The following CHDH variants were observed in gnomAD, a reference collection of about 807,000 sequenced individuals.
CHDH encodes choline dehydrogenase, also known as choline dehydrogenase, mitochondrial.
A neutral mutation model predicts 56.9 loss-of-function variants in CHDH; 43 were observed. The ratio of observed to expected loss-of-function variants is 0.76; its 90% CI spans 0.59 to 0.97. The LOEUF (loss-of-function observed/expected upper bound fraction) is 0.97, where lower values mean the gene tolerates loss of function less well. CHDH is among the 50% of genes least tolerant of loss of function. The pLI, the probability that CHDH is intolerant of heterozygous loss-of-function variation, is 0.00. For missense variants in CHDH, 816 were observed against 821.1 expected, an observed-to-expected ratio of 0.99 and a Z score of 0.08; for synonymous variants, 364 against 348.5, an observed-to-expected ratio of 1.04 and a Z score of -0.50.
chr3:53,823,903 C>G lies in CHDH; in HGVS notation c.106G>C (p.Glu36Gln). Residue 36 changes from glutamate (E) to glutamine (Q), a missense_variant, in exon 3 of 9, where the codon GAG (glutamate) becomes CAG (glutamine). Physicochemically the swap from Glu to Gln is conservative, Grantham distance 29 (BLOSUM62 2). Coordinates refer to ENST00000315251, the MANE Select transcript of CHDH (RefSeq NM_018397.5). ...ACATAGCTGTACTCGTCCCGGCTCT[C>G]AGAGCCTGCGCTGGCCAGGGCCCGG... ...GARALASAGS[E>Q]SRDEYSYVVV... 3.2e-6 allele frequency: 5 copies of G among 1,571,092 alleles called. No homozygotes were observed. Among genetic ancestry groups the G allele is most frequent in the Non-Finnish European group, 4.3e-6 (5 of 1,167,370 alleles).
At chr3:53,835,065 G>A (rs972147960) in intron 2 of CHDH, among the ~76,000 whole-genome samples, 1 of 152,192 alleles carries the variant, frequency 6.6e-6, no homozygotes, top group African/African-American at 2.4e-5. Context: ...CAATTTAAAG[G>A]TATAGCCCTT....
chr3:53,823,265 AGGG>A (rs747739205), intron 3 of CHDH, 38 bp downstream of exon 3: 5 of 1,436,928 alleles, frequency 3.5e-6, no homozygotes, highest in Non-Finnish European at 4.6e-6. Flanking sequence ...GGGCTGGGGT[AGGG>A]GGTAGTGCTT....
At chr3:53,845,730 A>G (rs1188092859) in intron 1 of CHDH, among the ~76,000 whole-genome samples, 1 of 152,172 alleles carries the variant, frequency 6.6e-6, no homozygotes, top group Non-Finnish European at 1.5e-5. Context: ...AAACTTGAGA[A>G]CCGCAGCTCC....
At chr3:53,821,056 C>T (rs9836592) in intron 5 of CHDH, among the ~76,000 whole-genome samples, 112,138 of 152,204 alleles carry the variant, frequency 0.74, 41,932 homozygotes, top group East Asian at 0.85. Flanking sequence ...TCCAAGCCTA[C>T]TGGGACACTG....
chr3:53,823,731 G>T lies in CHDH; in HGVS notation c.278C>A (p.Ala93Asp). Residue 93 changes from alanine to aspartate, a missense_variant, in exon 3 of 9, where the codon GCC (alanine) becomes GAC (aspartate). Coordinates refer to ENST00000315251, the MANE Select transcript of CHDH (RefSeq NM_018397.5). ...RLSWKIHMPA[A>D]LVANLCDDRY... ...GTCGTCGCACAGGTTGGCCACCAGG[G>T]CCGCGGGCATGTGGATCTTCCACGA... 6.4e-7 allele frequency: 1 copy of T among 1,553,100 alleles called. No homozygotes were observed. Among genetic ancestry groups the T allele is most frequent in the Non-Finnish European group, 8.7e-7 (1 of 1,149,344 alleles).
chr3:53,838,083 A>AAAG (rs1698559106), intron 2 of CHDH, among the ~76,000 whole-genome samples: 1 of 148,640 alleles, frequency 6.7e-6, no homozygotes, highest in African/African-American at 2.5e-5. Flanking sequence ...AAAAAAAAAA[A>AAAG]AGAGACTGTA....
intron 2 of CHDH, among the ~76,000 whole-genome samples, chr3:53,838,587 C>A (rs1015769806): frequency 7.9e-5 from 12 of 152,210 alleles, no homozygotes; most frequent in Non-Finnish European, 1.2e-4. Flanking sequence ...AGAAAGACAA[C>A]TGCTGTTCCC....
chr3:53,817,659 G>T lies in CHDH; in HGVS notation c.*118C>A. ...ATCCAATTCTCAGCCACTGAGTAGG[G>T]TACCACCTGGGTCCTAGTGTGCTAG... On this transcript the variant is annotated 3_prime_UTR_variant, in exon 9 of 9. Transcript: ENST00000315251. 1.3e-6 allele frequency: 1 copy of T among 790,644 alleles called. No individual in the cohort carries two copies. Among genetic ancestry groups the T allele is most frequent in the African/African-American group, 1.7e-5 (1 of 57,488 alleles). 49.0% of individuals were successfully genotyped at this position (790,644 alleles called of 1,614,324 possible). A position where few individuals can be genotyped will look rare whatever the true frequency, so the allele number is the denominator to read the frequency against.
chr3:53,826,670 A>G (rs1489716573), intron 2 of CHDH, among the ~76,000 whole-genome samples: 1 of 152,242 alleles, frequency 6.6e-6, no homozygotes, highest in East Asian at 1.9e-4. Flanking sequence ...TAAAAAATTC[A>G]AAGCTTTCTC....
intron 2 of CHDH, among the ~76,000 whole-genome samples, chr3:53,834,809 A>G (rs150010128): frequency 6.6e-6 from 1 of 152,364 alleles, no homozygotes; most frequent in East Asian, 1.9e-4. Context: ...TGGCCAGTGC[A>G]GTGTACTGTG....
intron 2 of CHDH, among the ~76,000 whole-genome samples, chr3:53,837,601 C>T (rs1698537289): frequency 6.6e-6 from 1 of 152,218 alleles, no homozygotes. Context: ...GTAAGTCTGC[C>T]CTCCTGCCTC....
intron 1 of CHDH, among the ~76,000 whole-genome samples, chr3:53,845,562 TC>T (rs1488456619): frequency 1.3e-5 from 2 of 151,906 alleles, no homozygotes; most frequent in Non-Finnish European, 2.9e-5. Context: ...TTGTGAACTT[TC>T]CCCCAAACCC....
chr3:53,829,599 T>C (rs1698270501), intron 2 of CHDH, among the ~76,000 whole-genome samples: 1 of 152,228 alleles, frequency 6.6e-6, no homozygotes, highest in South Asian at 2.1e-4. Flanking sequence ...CCATTTTTGA[T>C]GTTTGACTAC....
At chr3:53,833,776 G>T (rs1048094987) in intron 2 of CHDH, among the ~76,000 whole-genome samples, 3 of 152,164 alleles carry the variant, frequency 2.0e-5, no homozygotes, top group Non-Finnish European at 4.4e-5. Context: ...AGAGGAAGAT[G>T]TGGCTTTGCC....
Position 53,816,039 on chromosome 3 carries a change from T to A in CHDH, c.*1738A>T, listed in dbSNP as rs1040198377. On this transcript the variant is annotated 3_prime_UTR_variant, in exon 9 of 9. Transcript: ENST00000315251. ...AATACAGGTAAGATTAAACAAGAGC[T>A]GCTTAAGATTTTTAAAAGGAGAGGT... is the stretch of plus-strand genomic sequence containing the variant. 1 of 152,052 alleles carries A rather than the reference T, an allele frequency of 6.6e-6. No individual in the cohort carries two copies. Among genetic ancestry groups the A allele is most frequent in the Non-Finnish European group, 1.5e-5 (1 of 68,028 alleles). The allele number at this position is 152,052 out of a possible 1,614,324, so 9.4% of individuals were successfully genotyped here.
chr3:53,822,434 A>G, intron 4 of CHDH, 57 bp downstream of exon 4: 1 of 1,524,374 alleles, frequency 6.6e-7, no homozygotes, highest in East Asian at 2.3e-5. Flanking sequence ...TCTGAGCTGG[A>G]CCACCAGGGT....
At chr3:53,818,549 G>C (rs951078448) in intron 8 of CHDH, among the ~76,000 whole-genome samples, 2 of 152,224 alleles carry the variant, frequency 1.3e-5, no homozygotes, top group Non-Finnish European at 2.9e-5. Context: ...CTGCCCAGTG[G>C]GTAGTGCTCG....
intron 2 of CHDH, among the ~76,000 whole-genome samples, chr3:53,837,170 G>T (rs2106980883): frequency 6.6e-6 from 1 of 152,088 alleles, no homozygotes; most frequent in East Asian, 1.9e-4. Context: ...CTCCAGCATG[G>T]GCAATAGAGC....
At chr3:53,822,154 TG>T (rs1461858879) in intron 4 of CHDH, among the ~76,000 whole-genome samples, 2 of 152,244 alleles carry the variant, frequency 1.3e-5, no homozygotes, top group African/African-American at 2.4e-5. Flanking sequence ...ATCACATTTA[TG>T]GGTTTTAAAA....
Sources: allele counts gnomAD v4.1 joint callset (sites outside exome capture counted in the v4.1 genomes callset), GRCh38; gene constraint gnomAD v4.1.1; transcripts MANE v1.5; gene names NCBI Gene and HGNC (gene_info 2026-07-23, HGNC 2026-07-21).